INPP5D: variants seen among roughly 807,000 people sequenced by gnomAD.
INPP5D encodes phosphatidylinositol 3,4,5-trisphosphate 5-phosphatase 1.
Under a neutral mutation model 122.9 loss-of-function variants are expected in INPP5D, and 33 were observed. That is an observed-to-expected ratio of 0.27 (90% CI 0.20 to 0.36). The LOEUF is 0.36. Ranked by LOEUF, INPP5D falls within the 10% of genes least tolerant of loss-of-function variation. INPP5D has a pLI of 1.00. For missense variants in INPP5D, 1,053 were observed against 1,412.7 expected, an observed-to-expected ratio of 0.75 and a Z score of 4.08; for synonymous variants, 584 against 576.2, an observed-to-expected ratio of 1.01 and a Z score of -0.19.
chr2:233,070,616 A>AT, intron 1 of INPP5D, among the ~76,000 whole-genome samples: 1 of 151,742 alleles, frequency 6.6e-6, no homozygotes, highest in African/African-American at 2.4e-5. Flanking sequence ...TAATTTTTGT[A>AT]TTTTTTAGTA....
At chr2:233,115,293 T>G (rs936995366) in intron 2 of INPP5D, among the ~76,000 whole-genome samples, 1 of 152,234 alleles carries the variant, frequency 6.6e-6, no homozygotes, top group East Asian at 1.9e-4. Flanking sequence ...GGGCTCCTGC[T>G]CTGCCTGCAT....
At chr2:233,083,772 C>G (rs1013673360) in intron 2 of INPP5D, among the ~76,000 whole-genome samples, 3 of 152,160 alleles carry the variant, frequency 2.0e-5, no homozygotes, top group Admixed American at 1.3e-4. Flanking sequence ...GCCAGGGAGG[C>G]CTGGAGTGGC....
chr2:233,194,525 T>G, intron 23 of INPP5D, among the ~76,000 whole-genome samples: 2 of 129,630 alleles, frequency 1.5e-5, no homozygotes, highest in Admixed American at 9.3e-5. Flanking sequence ...TGGGACAGAG[T>G]CTCACTCTGT....
intron 2 of INPP5D, among the ~76,000 whole-genome samples, chr2:233,089,492 G>A (rs534863396): frequency 6.6e-6 from 1 of 152,312 alleles, no homozygotes; most frequent in East Asian, 1.9e-4. Context: ...TGGAGGGTGA[G>A]CTTCACACAA....
rs915193583 is a variant in INPP5D at position 233,158,939 on chromosome 2, C to T, written c.1137+520C>T. On this transcript the variant is annotated intron_variant, in intron 10 of 26. Coordinates refer to ENST00000445964, the MANE Select transcript of INPP5D (RefSeq NM_001017915.3). Reference sequence around the variant, plus strand: ...AAGTAGCTGAGACCACAGACACACACCACCAGCTAATTTTTTATATTTTGT... The same window carrying T: ...AAGTAGCTGAGACCACAGACACACATCACCAGCTAATTTTTTATATTTTGT... Among the ~76,000 whole-genome samples, 8 of 152,276 alleles carry T rather than the reference C, an allele frequency of 5.3e-5. No homozygotes were observed. In the East Asian group the frequency reaches 1.5e-3, roughly 29 times the overall value.
intron 5 of INPP5D, among the ~76,000 whole-genome samples, chr2:233,138,031 A>ATTATATTATATTAATAATGTAATGAG (rs1559313697): frequency 8.1e-5 from 12 of 147,368 alleles, no homozygotes; most frequent in Admixed American, 7.6e-4. Context: ...ATGTAATGAG[A>ATTATATTATATTAATAATGTAATGAG]AAAAAATACA....
Position 233,204,413 on chromosome 2 carries a change from G to A in INPP5D, c.3263G>A (p.Cys1088Tyr). ...GCGCCCCGGCTGCGCTCCTTCACGT[G>A]CTCATCCTCTGCCGAGGGCAGGGCG... The part of the protein sequence containing the change: ...VPAPRLRSFT[C>Y]SSSAEGRAAG... Residue 1088 changes from cysteine to tyrosine, a missense_variant, in exon 26 of 27, where the codon TGC (cysteine) becomes TAC (tyrosine). Physicochemically the swap from Cys to Tyr is radical, Grantham distance 194. This residue lies in a region of INPP5D where 417 missense variants were observed against 425.8 expected (regional missense o/e 0.98). Coordinates refer to ENST00000445964, the MANE Select transcript of INPP5D (RefSeq NM_001017915.3). 6.2e-7 allele frequency: 1 copy of A among 1,610,064 alleles called. No individual in the cohort carries two copies. Among genetic ancestry groups the A allele is most frequent in the East Asian group, 2.2e-5 (1 of 44,806 alleles).
At chr2:233,169,760 T>A in intron 14 of INPP5D, 4 of 608,578 alleles carry the variant, frequency 6.6e-6, no homozygotes, top group Non-Finnish European at 1.1e-5. Flanking sequence ...GAATCTTCAC[T>A]GTTCTGATTC....
intron 2 of INPP5D, among the ~76,000 whole-genome samples, chr2:233,084,819 C>A (rs1471084329): frequency 1.3e-5 from 2 of 152,246 alleles, no homozygotes; most frequent in African/African-American, 4.8e-5. Flanking sequence ...CCTGTGTGGG[C>A]TCCACAGCCA....
chr2:233,103,601 T>G (rs1165437938), intron 2 of INPP5D, among the ~76,000 whole-genome samples: 3 of 152,166 alleles, frequency 2.0e-5, no homozygotes, highest in African/African-American at 7.2e-5. Context: ...AAGTCCTGCC[T>G]CTGCCACTTC....
intron 2 of INPP5D, among the ~76,000 whole-genome samples, chr2:233,092,402 G>C (rs530316839): frequency 6.6e-6 from 1 of 152,274 alleles, no homozygotes; most frequent in African/African-American, 2.4e-5. Context: ...TCCCTCATAG[G>C]CTCTGGGCAA....
In INPP5D at chr2:233,126,765, C is replaced by A. The variant is rs142158823; in HGVS notation, c.524+846C>A. ...CAAAACCCCTTCTCCACTAAAAATA[C>A]AAAAATTAGCTGGGCATGGTGGCGG... On this transcript the variant is annotated intron_variant, in intron 4 of 26. Transcript: ENST00000445964. Among the ~76,000 whole-genome samples, 577 of 152,124 alleles carry A rather than the reference C, an allele frequency of 3.8e-3. 4 individuals carry two copies. The highest frequency in any genetic ancestry group is 0.013 in the African/African-American group (542 of 41,502).
At chr2:233,148,251 G>T (rs1343753590) in intron 9 of INPP5D, among the ~76,000 whole-genome samples, 1 of 151,870 alleles carries the variant, frequency 6.6e-6, no homozygotes, top group Non-Finnish European at 1.5e-5. Flanking sequence ...TTGAGTAGCC[G>T]ATAGAGACTC....
At chr2:233,195,625 T>C (rs1460465588) in intron 24 of INPP5D, 130 bp downstream of exon 24, 1 of 1,460,514 alleles carries the variant, frequency 6.8e-7, no homozygotes, top group Non-Finnish European at 9.2e-7. Flanking sequence ...GGCTGGAGGA[T>C]CATTTGAGCC....
At chr2:233,138,103 G>A (rs10179110) in intron 5 of INPP5D, among the ~76,000 whole-genome samples, 7,995 of 150,166 alleles carry the variant, frequency 0.053, 274 homozygotes, top group African/African-American at 0.1. Flanking sequence ...TCTAATCCCA[G>A]CACTTTGGGA....
In INPP5D at chr2:233,177,219, A is replaced by T; in HGVS notation, c.1990-46A>T. 6.2e-7 allele frequency: 1 copy of T among 1,611,570 alleles called. No individual in the cohort carries two copies. Among genetic ancestry groups the T allele is most frequent in the Non-Finnish European group, 8.5e-7 (1 of 1,178,394 alleles). On this transcript the variant is annotated intron_variant, in intron 17 of 26. Coordinates refer to ENST00000445964, the MANE Select transcript of INPP5D (RefSeq NM_001017915.3). This position sits in a 1 kb window ranked among gnomAD's most constrained non-coding sequence, Gnocchi z 4.2. ...ATCTGTTCTTTTACTGATTAAAAAA[A>T]TAATAATAAGAGGCATTTTTTAAAG...
At chr2:233,131,241 A>C in intron 5 of INPP5D, 1 of 494,918 alleles carries the variant, frequency 2.0e-6, no homozygotes, top group Non-Finnish European at 2.6e-6. Context: ...ATTTCAAGTT[A>C]ATTACATTTT....
intron 18 of INPP5D, among the ~76,000 whole-genome samples, chr2:233,178,607 C>T (rs1322256069): frequency 1.3e-5 from 2 of 152,052 alleles, no homozygotes; most frequent in African/African-American, 2.4e-5. Flanking sequence ...CTCAGACTCC[C>T]GAGTAGCTGG....
rs746319461 is a variant in INPP5D at position 233,122,092 on chromosome 2, A to G, written c.199-15A>G. The G allele has an allele frequency of 1.9e-6, 3 of 1,613,008 alleles. No individual in the cohort carries two copies. The highest frequency in any genetic ancestry group is 2.2e-5 in the South Asian group (2 of 91,054). On this transcript the variant is annotated splice_polypyrimidine_tract_variant and intron_variant, in intron 2 of 26. Coordinates refer to ENST00000445964, the MANE Select transcript of INPP5D (RefSeq NM_001017915.3). ...TTGGTTAACATGTGCGTTTGTTTGG[A>G]TGTTCTGTCCTCAGGCATCCGAAGG...
Sources: allele counts gnomAD v4.1 joint callset (sites outside exome capture counted in the v4.1 genomes callset), GRCh38; gene constraint gnomAD v4.1.1; regional missense constraint gnomAD v4.1.1; non-coding constraint Gnocchi (gnomAD v3.1); transcripts MANE v1.5; gene names NCBI Gene and HGNC (gene_info 2026-07-23, HGNC 2026-07-21).